GSG1L: variants seen among roughly 807,000 people sequenced by gnomAD.
GSG1L encodes germ cell-specific gene 1-like protein.
GSG1L carries 24 observed loss-of-function variants against 42.1 expected under a neutral mutation model. The ratio of observed to expected loss-of-function variants is 0.57; its 90% CI spans 0.41 to 0.80. The LOEUF (loss-of-function observed/expected upper bound fraction) is 0.80. Ranked by LOEUF, GSG1L falls within the 30% of genes least tolerant of loss-of-function variation. The pLI, the probability that GSG1L is intolerant of heterozygous loss-of-function variation, is 0.00. For missense variants in GSG1L, 445 were observed against 472.2 expected (o/e 0.94, Z 0.53); for synonymous variants, 215 against 203.5 (o/e 1.06, Z -0.48).
chr16:27,941,746 T>C (rs996368485), intron 2 of GSG1L, among the ~76,000 whole-genome samples: 1 of 151,858 alleles, frequency 6.6e-6, no homozygotes, highest in Non-Finnish European at 1.5e-5. Context: ...ACCAGGTGTG[T>C]TACATCCATG....
intron 1 of GSG1L, among the ~76,000 whole-genome samples, chr16:28,032,186 G>A (rs536180113): frequency 2.9e-4 from 44 of 152,148 alleles, no homozygotes; most frequent in Non-Finnish European, 4.3e-4. Flanking sequence ...CGAACATGAT[G>A]GGAAACCCAG....
rs1248800519 is a variant in GSG1L, at chr16:27,789,886, TA to T, written c.*1483del. ...TGAAGGATGGATGGTTGATGGACTA[TA>T]GATGGATAATAGATGATGAGTGGGT... On this transcript the variant is annotated 3_prime_UTR_variant, in exon 7 of 7. Transcript: ENST00000447459. 1 of 148,878 alleles carries T rather than the reference TA, an allele frequency of 6.7e-6. No individual in the cohort carries two copies. The highest frequency in any genetic ancestry group is 2.5e-5 in the African/African-American group (1 of 39,924). The allele number at this position is 148,878 out of a possible 1,614,324, so 9.2% of individuals were successfully genotyped here. A position where few individuals can be genotyped will look rare whatever the true frequency, so the allele number is the denominator to read the frequency against.
At chr16:28,020,032 G>A (rs953944620) in intron 1 of GSG1L, among the ~76,000 whole-genome samples, 3 of 152,224 alleles carry the variant, frequency 2.0e-5, no homozygotes, top group African/African-American at 7.2e-5. Context: ...ACTGAAGATG[G>A]TCAAGTTTCC....
chr16:27,873,458 A>T (rs557560007), intron 3 of GSG1L, among the ~76,000 whole-genome samples: 109 of 152,324 alleles, frequency 7.2e-4, no homozygotes, highest in African/African-American at 2.5e-3. Flanking sequence ...AAATCTAAAA[A>T]GTTCTGAATT....
chr16:27,866,661 C>A (rs942435542), intron 3 of GSG1L, among the ~76,000 whole-genome samples: 4 of 152,056 alleles, frequency 2.6e-5, no homozygotes, highest in Non-Finnish European at 4.4e-5. Context: ...AACCTCCGCC[C>A]CCCAGGTTCA....
chr16:28,047,757 T>C (rs989292721), intron 1 of GSG1L, among the ~76,000 whole-genome samples: 1 of 152,156 alleles, frequency 6.6e-6, no homozygotes, highest in Non-Finnish European at 1.5e-5. Context: ...GCAATGAAAA[T>C]ATAACTGTCA....
At chr16:28,038,746 A>T (rs2086070538) in intron 1 of GSG1L, among the ~76,000 whole-genome samples, 1 of 152,192 alleles carries the variant, frequency 6.6e-6, no homozygotes, top group South Asian at 2.1e-4. Context: ...CTTTTTCATT[A>T]TGCCATGATT....
chr16:28,024,413 G>A (rs1050381608), intron 1 of GSG1L, among the ~76,000 whole-genome samples: 1 of 152,202 alleles, frequency 6.6e-6, no homozygotes, highest in Non-Finnish European at 1.5e-5. Flanking sequence ...GGCCACTGCC[G>A]GGTTCTCAGC....
chr16:27,845,196 A>C, intron 3 of GSG1L, 135 bp from the exon 4 acceptor site: 1 of 575,394 alleles, frequency 1.7e-6, no homozygotes, highest in Non-Finnish European at 3.1e-6. Flanking sequence ...TGGGTAAGGG[A>C]GGTCAGCAGG....
At chr16:27,951,208 T>C (rs1377659632) in intron 2 of GSG1L, among the ~76,000 whole-genome samples, 1 of 152,048 alleles carries the variant, frequency 6.6e-6, no homozygotes, top group Non-Finnish European at 1.5e-5. Flanking sequence ...TGACTGACAA[T>C]GGCCAGGCAT....
At chr16:28,032,926 C>T (rs892530818) in intron 1 of GSG1L, among the ~76,000 whole-genome samples, 11 of 152,202 alleles carry the variant, frequency 7.2e-5, no homozygotes, top group African/African-American at 2.7e-4. Flanking sequence ...CCATTACTCC[C>T]CAGTCCTCAA....
At chr16:27,870,348 TTCTG>T (rs1259482837) in intron 3 of GSG1L, among the ~76,000 whole-genome samples, 1 of 149,634 alleles carries the variant, frequency 6.7e-6, no homozygotes, top group East Asian at 2.0e-4. Context: ...CTGTCTCTCC[TTCTG>T]TCTCTCTGTC....
At chr16:27,819,568 G>T (rs1022811835) in intron 5 of GSG1L, among the ~76,000 whole-genome samples, 5 of 152,230 alleles carry the variant, frequency 3.3e-5, no homozygotes, top group Non-Finnish European at 7.3e-5. Flanking sequence ...GGAGGAGACG[G>T]TGGGGAAGGT....
rs183544255 is a variant in GSG1L at position 27,803,509 on chromosome 16, C to G, written c.898+3978G>C. Among the ~76,000 whole-genome samples the G allele has an allele frequency of 4.7e-4, 71 of 152,112 alleles. 1 individual carries two copies. The highest frequency in any genetic ancestry group is 6.8e-3 in the Middle Eastern group (2 of 294). ...CACTCCTAGTTGGGTGTTCAATCAT[C>G]AAAATAAAGCACTTGCTGTTATATC... On this transcript the variant is annotated intron_variant, in intron 6 of 6. Transcript: ENST00000447459.
intron 1 of GSG1L, among the ~76,000 whole-genome samples, chr16:28,023,811 G>A (rs1458310884): frequency 6.6e-6 from 1 of 152,132 alleles, no homozygotes; most frequent in Non-Finnish European, 1.5e-5. Context: ...GATCGCTTGA[G>A]CCAAGGAGTT....
intron 2 of GSG1L, among the ~76,000 whole-genome samples, chr16:27,906,265 G>A (rs1298981324): frequency 6.6e-6 from 1 of 152,184 alleles, no homozygotes; most frequent in Non-Finnish European, 1.5e-5. Context: ...GATAGAGCTT[G>A]TAGCCAGCAT....
intron 3 of GSG1L, among the ~76,000 whole-genome samples, chr16:27,852,219 C>A (rs1289453563): frequency 6.6e-6 from 1 of 152,210 alleles, no homozygotes; most frequent in Non-Finnish European, 1.5e-5. Context: ...GGACTTGAGA[C>A]ACAGAGGGGC....
At chr16:27,918,699 A>G (rs1386001299) in intron 2 of GSG1L, among the ~76,000 whole-genome samples, 5 of 152,020 alleles carry the variant, frequency 3.3e-5, no homozygotes, top group Non-Finnish European at 7.4e-5. Context: ...GAAAAAAAAG[A>G]ATAAAGAAGA....
At chr16:27,807,278 A>G (rs1222892776) in intron 6 of GSG1L, among the ~76,000 whole-genome samples, 1 of 151,922 alleles carries the variant, frequency 6.6e-6, no homozygotes, top group African/African-American at 2.4e-5. Context: ...TTAGCATCCC[A>G]TCCCGACTGG....
Sources: gnomAD v4.1 joint callset for allele counts (sites outside exome capture counted in the v4.1 genomes callset) on GRCh38, gnomAD v4.1.1 for gene constraint, MANE v1.5 for transcripts, NCBI Gene and HGNC (gene_info 2026-07-23, HGNC 2026-07-21) for gene names.